GLI2: variants seen among roughly 807,000 people sequenced by gnomAD.
The protein encoded by GLI2 is transcription activator GLI2.
Under a neutral mutation model 78.9 loss-of-function variants are expected in GLI2, and 22 were observed. That is an observed-to-expected ratio of 0.28 (90% CI 0.20 to 0.40). The LOEUF (loss-of-function observed/expected upper bound fraction) is 0.40. GLI2 is among the 10% of genes least tolerant of loss of function. The probability of loss-of-function intolerance (pLI) is 1.00; values close to 1 mark genes in which losing one functional copy is unlikely to be tolerated. For synonymous variants in GLI2, 974 were observed against 963.7 expected, an observed-to-expected ratio of 1.01 and a Z score of -0.20; for missense variants, 2,097 against 2,213.2, an observed-to-expected ratio of 0.95 and a Z score of 1.05.
rs780785079 is a variant in GLI2, at chr2:120,989,133, C to T, written c.3168C>T (p.His1056=). 2 of 1,612,998 alleles carry T rather than the reference C, an allele frequency of 1.2e-6. No homozygotes were observed. Among genetic ancestry groups the T allele is most frequent in the Non-Finnish European group, 1.7e-6 (2 of 1,179,960 alleles). The change falls in exon 14 of 14, where the codon CAC becomes CAT. Residue 1056 remains histidine (H), a synonymous_variant. Transcript: ENST00000361492. ...PDDVVQYIKA[H]ASGALDEGTG... is the part of the protein sequence containing the mutation. ...ACGTGGTGCAGTACATCAAGGCGCA[C>T]GCCAGTGGCGCTCTGGACGAGGGCA...
chr2:120,742,678 T>TAAAAAAAAAA (rs1359197508), intron 1 of GLI2, among the ~76,000 whole-genome samples: 77 of 28,404 alleles, frequency 2.7e-3, no homozygotes, highest in Admixed American at 8.3e-3. Flanking sequence ...TAGGATGACT[T>TAAAAAAAAAA]TAAAAAAAAA....
chr2:120,990,671 C>T lies in GLI2; in HGVS notation c.4706C>T (p.Thr1569Ile). ...GAGAGCAAGTTCCTGAACATGATGA[C>T]CTAGAGGCCCGAGCGCCTGGTGCTG... ...AEESKFLNMMT is the reference protein window; with the variant it reads ...AEESKFLNMMI Residue 1569 changes from threonine to isoleucine, a missense_variant, in exon 14 of 14, where the codon ACC becomes ATC. Thr to Ile is a moderately conservative substitution (Grantham distance 89). This residue lies in a region of GLI2 where 1,290 missense variants were observed against 1,261.7 expected (regional missense o/e 1.02). Transcript: ENST00000361492. The T allele has an allele frequency of 6.2e-7, 1 of 1,611,350 alleles. No homozygotes were observed. Among genetic ancestry groups the T allele is most frequent in the Non-Finnish European group, 8.5e-7 (1 of 1,178,986 alleles).
intron 2 of GLI2, among the ~76,000 whole-genome samples, chr2:120,867,638 C>A (rs1688209472): frequency 6.6e-6 from 1 of 152,352 alleles, no homozygotes; most frequent in Non-Finnish European, 1.5e-5. Context: ...GGAGACGCTC[C>A]CTGGAAAGGA....
chr2:120,783,572 C>G (rs1252320121), intron 1 of GLI2, among the ~76,000 whole-genome samples: 2 of 152,030 alleles, frequency 1.3e-5, no homozygotes, highest in African/African-American at 4.8e-5. Context: ...AAGCAGCACA[C>G]GGCAAAGGCA....
chr2:120,801,427 C>T (rs556515876), intron 2 of GLI2, among the ~76,000 whole-genome samples: 1 of 152,288 alleles, frequency 6.6e-6, no homozygotes, highest in South Asian at 2.1e-4. Context: ...GCGTGAGCCA[C>T]CTTGGGATTT....
intron 2 of GLI2, among the ~76,000 whole-genome samples, chr2:120,860,362 C>T (rs1687849662): frequency 6.6e-6 from 1 of 152,204 alleles, no homozygotes; most frequent in African/African-American, 2.4e-5. Flanking sequence ...TCTTCATCTG[C>T]AGGGTGGGGC....
rs1679198329 is a variant in GLI2, at chr2:120,918,362, T to G, written c.149-8999T>G. 2.6e-5 allele frequency among the ~76,000 whole-genome samples: 4 copies of G among 152,262 alleles called. No homozygotes were observed. The South Asian group carries it at 8.3e-4, about 32-fold the overall frequency. The stretch of plus-strand genomic sequence containing the variant: ...TTCATTACCATAGCACCGGGACCCT[T>G]GTCACATCTGCTCAGAGATGGGGAA... On this transcript the variant is annotated intron_variant, in intron 2 of 13. Coordinates refer to ENST00000361492, the MANE Select transcript of GLI2 (RefSeq NM_001374353.1).
At chr2:120,803,211 C>T (rs1684783045) in intron 2 of GLI2, among the ~76,000 whole-genome samples, 1 of 152,236 alleles carries the variant, frequency 6.6e-6, no homozygotes, top group Admixed American at 6.5e-5. Flanking sequence ...AGAAGCAGCC[C>T]AGGCTCTGGA....
intron 1 of GLI2, among the ~76,000 whole-genome samples, chr2:120,754,732 T>G (rs1278633965): frequency 6.6e-6 from 1 of 152,256 alleles, no homozygotes; most frequent in Non-Finnish European, 1.5e-5. Context: ...TGAACATTTC[T>G]GTATAAGTCA....
Position 120,986,480 on chromosome 2 carries a change from G to A in GLI2, c.2108G>A (p.Arg703His), listed in dbSNP as rs149091975. Residue 703 changes from arginine to histidine, a missense_variant, in exon 13 of 14, where the codon CGC becomes CAC. Transcript: ENST00000361492. ...CCCTCCGCTGGTGGCCTCCAGCTGCGCAAACACATGACCACCATGCACCGG... is the reference window on the plus strand; with the variant it reads ...CCCTCCGCTGGTGGCCTCCAGCTGCACAAACACATGACCACCATGCACCGG... ...AAPSAGGLQLRKHMTTMHRFE... is the reference protein window; with the variant it reads ...AAPSAGGLQLHKHMTTMHRFE... 460 of 1,614,062 alleles carry A rather than the reference G, an allele frequency of 2.8e-4. 1 individual carries two copies. The Middle Eastern group carries it at 3.3e-3, about 12-fold the overall frequency.
intron 1 of GLI2, among the ~76,000 whole-genome samples, chr2:120,782,691 G>A (rs1485183702): frequency 6.6e-6 from 1 of 152,194 alleles, no homozygotes; most frequent in Non-Finnish European, 1.5e-5. Flanking sequence ...TGGACATTCT[G>A]GTTGCATAAT....
At chr2:120,750,933 G>T (rs1375297520) in intron 1 of GLI2, among the ~76,000 whole-genome samples, 1 of 152,230 alleles carries the variant, frequency 6.6e-6, no homozygotes, top group Non-Finnish European at 1.5e-5. Flanking sequence ...CCCCGGTACC[G>T]CCTGCCTCTA....
Position 120,989,589 on chromosome 2 carries a change from G to T in GLI2, c.3624G>T (p.Leu1208=), listed in dbSNP as rs373416904. The T allele has an allele frequency of 3.2e-5, 52 of 1,613,182 alleles. No homozygotes were observed. The highest frequency in any genetic ancestry group is 5.3e-5 in the African/African-American group (4 of 74,938). The change falls in exon 14 of 14, where the codon CTG becomes CTT. Residue 1208 remains leucine, a synonymous_variant. Coordinates refer to ENST00000361492, the MANE Select transcript of GLI2 (RefSeq NM_001374353.1). The part of the protein sequence containing the change: ...GIPRVNYMQQ[L]RQPVAGSQCP... Reference sequence around the variant, plus strand: ...CCAGGGTAAACTACATGCAGCAGCTGCGACAGCCAGTGGCAGGCAGCCAGT... The same window carrying T: ...CCAGGGTAAACTACATGCAGCAGCTTCGACAGCCAGTGGCAGGCAGCCAGT...
intron 2 of GLI2, among the ~76,000 whole-genome samples, chr2:120,836,925 A>G (rs1686638757): frequency 6.6e-6 from 1 of 152,218 alleles, no homozygotes; most frequent in East Asian, 1.9e-4. Flanking sequence ...ATTAGACTGG[A>G]ATTTTTTCCA....
rs535863867 is a variant in GLI2 at position 120,881,094 on chromosome 2, A to G, written c.149-46267A>G. 1.2e-4 allele frequency among the ~76,000 whole-genome samples: 18 copies of G among 152,282 alleles called. 1 individual carries two copies. The South Asian group carries it at 3.5e-3, about 30-fold the overall frequency. On this transcript the variant is annotated intron_variant, in intron 2 of 13. Transcript: ENST00000361492. The stretch of plus-strand genomic sequence containing the variant: ...ATGGTCGGTGGAATTAACTAAGCAA[A>G]TTTATCTAAAGCACCTGACACCCTT...
intron 3 of GLI2, among the ~76,000 whole-genome samples, chr2:120,928,392 CA>C (rs1302158105): frequency 6.6e-6 from 1 of 152,200 alleles, no homozygotes; most frequent in African/African-American, 2.4e-5. Context: ...GTCACCTCCT[CA>C]GGGGCAGTGT....
intron 2 of GLI2, among the ~76,000 whole-genome samples, chr2:120,907,187 A>T (rs749529836): frequency 2.3e-4 from 35 of 150,668 alleles, no homozygotes; most frequent in Non-Finnish European, 3.8e-4. Context: ...GTCCCAGAAG[A>T]CTCCACTGCT....
intron 2 of GLI2, among the ~76,000 whole-genome samples, chr2:120,804,178 G>A (rs564096768): frequency 3.2e-4 from 48 of 152,276 alleles, no homozygotes; most frequent in African/African-American, 1.2e-3. Context: ...CATTGTGTTG[G>A]CCAGAGCTAG....
At chr2:120,934,127 C>T (rs1015627311) in intron 3 of GLI2, among the ~76,000 whole-genome samples, 20 of 152,186 alleles carry the variant, frequency 1.3e-4, no homozygotes, top group South Asian at 4.1e-4. Context: ...CCACTGCAGG[C>T]GCCGCTGCTT....
Sources: allele counts gnomAD v4.1 joint callset (sites outside exome capture counted in the v4.1 genomes callset), GRCh38; gene constraint gnomAD v4.1.1; regional missense constraint gnomAD v4.1.1; transcripts MANE v1.5; gene names NCBI Gene and HGNC (gene_info 2026-07-23, HGNC 2026-07-21).